The following ITGB8 variants were observed in gnomAD, a reference collection of about 807,000 sequenced individuals.
ITGB8 encodes integrin beta-8.
A neutral mutation model predicts 89.5 loss-of-function variants in ITGB8; 30 were observed. The observed-to-expected ratio is 0.34, with a 90% CI of 0.25 to 0.45. The LOEUF (loss-of-function observed/expected upper bound fraction) is 0.45. Ranked by LOEUF, ITGB8 falls within the 20% of genes least tolerant of loss-of-function variation. The pLI is 1.00. For synonymous variants in ITGB8, 335 were observed against 320.4 expected (o/e 1.05, Z -0.49); for missense variants, 836 against 933.3 (o/e 0.90, Z 1.36).
chr7:20,353,539 G>C (rs1785180273), intron 1 of ITGB8, among the ~76,000 whole-genome samples: 1 of 151,980 alleles, frequency 6.6e-6, no homozygotes, highest in South Asian at 2.1e-4. Context: ...GAGGATGGCG[G>C]CATTAAAAAA....
intron 1 of ITGB8, among the ~76,000 whole-genome samples, chr7:20,342,649 T>G (rs555040978): frequency 6.6e-6 from 1 of 152,138 alleles, no homozygotes; most frequent in South Asian, 2.1e-4. Context: ...TCTATACCCA[T>G]GGCACATTTG....
intron 7 of ITGB8, among the ~76,000 whole-genome samples, chr7:20,392,023 C>G (rs1477183599): frequency 1.3e-5 from 2 of 152,082 alleles, no homozygotes; most frequent in African/African-American, 2.4e-5. Context: ...TAAGAATAAT[C>G]TTGGTGGTGT....
At chr7:20,366,555 A>T (rs1028042031) in intron 2 of ITGB8, 1 of 155,230 alleles carries the variant, frequency 6.4e-6, no homozygotes, top group Non-Finnish European at 1.4e-5. Context: ...ACCTAAGGTC[A>T]GGAGTTTGAG....
intron 3 of ITGB8, among the ~76,000 whole-genome samples, chr7:20,368,215 G>T (rs959515191): frequency 2.0e-5 from 3 of 152,210 alleles, no homozygotes; most frequent in African/African-American, 7.2e-5. Context: ...TATGGACATT[G>T]TGAGCAACAG....
intron 7 of ITGB8, among the ~76,000 whole-genome samples, chr7:20,394,658 G>A (rs1199241788): frequency 6.6e-6 from 1 of 152,154 alleles, no homozygotes; most frequent in Non-Finnish European, 1.5e-5. Context: ...AGGTCATCAG[G>A]TACAGTGATT....
chr7:20,361,102 C>T (rs1054194183), intron 1 of ITGB8, among the ~76,000 whole-genome samples: 1 of 151,714 alleles, frequency 6.6e-6, no homozygotes, highest in Non-Finnish European at 1.5e-5. Context: ...CTCTAATGAT[C>T]GGTGATGTTG....
rs1280438279 is a variant in ITGB8 at position 20,404,223 on chromosome 7, G to C, written c.1688-405G>C. ...CTTCAGCAACATCAGAAGACTGAGA[G>C]AATAGGTGATGGAAGCCATATCAAA... On this transcript the variant is annotated intron_variant, in intron 10 of 13. Transcript: ENST00000222573. 3.3e-5 allele frequency among the ~76,000 whole-genome samples: 5 copies of C among 152,236 alleles called. No homozygotes were observed. The South Asian group carries it at 8.3e-4, about 25-fold the overall frequency.
chr7:20,380,153 T>C (rs1786319071), intron 4 of ITGB8: 1 of 157,546 alleles, frequency 6.3e-6, no homozygotes, highest in South Asian at 1.9e-4. Flanking sequence ...GGAGGAATCA[T>C]TCTTACTTTC....
In ITGB8 at chr7:20,369,574, A is replaced by G. The variant is rs76231331; in HGVS notation, c.388+2388A>G. On this transcript the variant is annotated intron_variant, in intron 3 of 13. Coordinates refer to ENST00000222573, the MANE Select transcript of ITGB8 (RefSeq NM_002214.3). ...TAATCATATCTCTCAGAGACCCCCT[A>G]TTCAAATACTGTCACATTGGAGGTT... Among the ~76,000 whole-genome samples the G allele has an allele frequency of 3.6e-3, 554 of 152,304 alleles. 3 individuals are homozygous for G. The highest frequency in any genetic ancestry group is 0.013 in the African/African-American group (520 of 41,570).
intron 10 of ITGB8, among the ~76,000 whole-genome samples, chr7:20,403,410 C>A (rs1787393432): frequency 6.6e-6 from 1 of 152,146 alleles, no homozygotes; most frequent in Admixed American, 6.6e-5. Flanking sequence ...AATGTACTAG[C>A]TTTTCTATAT....
chr7:20,381,798 T>A lies in ITGB8; in HGVS notation c.873T>A (p.Ala291=), dbSNP rs1241291390. Residue 291 remains alanine, a synonymous_variant, in exon 6 of 14, where the codon GCT becomes GCA. Coordinates refer to ENST00000222573, the MANE Select transcript of ITGB8 (RefSeq NM_002214.3). ...LVMTDQTSHL[A]LDSKLAGIVV... Reference sequence around the variant, plus strand: ...TGACAGATCAGACGTCTCATCTCGCTCTTGATAGCAAATTGGCAGGCATAG... The same window carrying A: ...TGACAGATCAGACGTCTCATCTCGCACTTGATAGCAAATTGGCAGGCATAG... 6.2e-7 allele frequency: 1 copy of A among 1,613,980 alleles called. No homozygotes were observed. Among genetic ancestry groups the A allele is most frequent in the Middle Eastern group, 1.6e-4 (1 of 6,082 alleles).
intron 6 of ITGB8, among the ~76,000 whole-genome samples, chr7:20,386,341 C>T (rs1017456446): frequency 6.7e-5 from 10 of 149,704 alleles, no homozygotes; most frequent in African/African-American, 1.5e-4. Context: ...CAGGTTCAAG[C>T]GATTCTCCTG....
At chr7:20,360,873 G>C (rs1785472938) in intron 1 of ITGB8, among the ~76,000 whole-genome samples, 1 of 144,532 alleles carries the variant, frequency 6.9e-6, no homozygotes, top group Non-Finnish European at 1.5e-5. Context: ...CCAATGGTAG[G>C]ACTGCTGAAT....
At chr7:20,332,710 A>G (rs1170957002) in intron 1 of ITGB8, among the ~76,000 whole-genome samples, 1 of 152,208 alleles carries the variant, frequency 6.6e-6, no homozygotes, top group Non-Finnish European at 1.5e-5. Flanking sequence ...CTAAATCACA[A>G]AGGAAAGTTC....
intron 8 of ITGB8, among the ~76,000 whole-genome samples, 169 bp from the exon 9 acceptor site, chr7:20,398,691 T>C (rs1787186409): frequency 6.6e-6 from 1 of 152,222 alleles, no homozygotes; most frequent in South Asian, 2.1e-4. Flanking sequence ...GTATTTCAAA[T>C]ATAATTGGGT....
chr7:20,339,062 C>A (rs770473828), intron 1 of ITGB8, among the ~76,000 whole-genome samples: 25 of 151,902 alleles, frequency 1.6e-4, no homozygotes, highest in Admixed American at 2.6e-4. Flanking sequence ...TGTGGTTGCA[C>A]ACACCTACAG....
chr7:20,359,738 G>A (rs1785429883), intron 1 of ITGB8, among the ~76,000 whole-genome samples: 1 of 152,098 alleles, frequency 6.6e-6, no homozygotes, highest in Non-Finnish European at 1.5e-5. Flanking sequence ...ATAGCATTCA[G>A]TATACTTTGA....
chr7:20,353,399 G>T (rs1785175652), intron 1 of ITGB8: 2 of 152,068 alleles, frequency 1.3e-5, no homozygotes, highest in African/African-American at 4.8e-5. Flanking sequence ...TTCCTAACTG[G>T]CATTACAAGA....
At position 20,368,006 on chromosome 7, in the gene ITGB8, T is replaced by C. The variant is rs557938884; in HGVS notation, c.388+820T>C. Among the ~76,000 whole-genome samples, 13 of 152,322 alleles carry C rather than the reference T, an allele frequency of 8.5e-5. No individual in the cohort carries two copies. The East Asian group carries it at 2.5e-3, about 29-fold the overall frequency. On this transcript the variant is annotated intron_variant, in intron 3 of 13. Coordinates refer to ENST00000222573, the MANE Select transcript of ITGB8 (RefSeq NM_002214.3). ...TTGTATCCAATCCTTCATCATTTCA[T>C]TGTGGGTGGTCCTGTCCTGTCATTA...
Sources: allele counts gnomAD v4.1 joint callset (sites outside exome capture counted in the v4.1 genomes callset), GRCh38; gene constraint gnomAD v4.1.1; transcripts MANE v1.5; gene names NCBI Gene and HGNC (gene_info 2026-07-23, HGNC 2026-07-21).